The following TBCC variants were observed in gnomAD, a reference collection of about 807,000 sequenced individuals.
TBCC encodes tubulin-specific chaperone C.
Under a neutral mutation model 25.3 loss-of-function variants are expected in TBCC, and 25 were observed. That is an observed-to-expected ratio of 0.99 (90% CI 0.72 to 1.38). The LOEUF (loss-of-function observed/expected upper bound fraction) is 1.38, where lower values mean the gene tolerates loss of function less well. Ranked by LOEUF, TBCC falls within the 40% of genes most tolerant of loss-of-function variation. The pLI is 0.00. For synonymous variants in TBCC, 226 were observed against 192.8 expected (o/e 1.17, Z -1.43); for missense variants, 507 against 447.2 (o/e 1.13, Z -1.21).
In TBCC at chr6:42,744,780, T is replaced by A. The variant is rs1021544404; in HGVS notation, c.*253A>T. ...TTCGCGTGGTGGCGCGCGCCTGTAA[T>A]CCCAGCGCGCCACCACGCTGGGGGA... On this transcript the variant is annotated 3_prime_UTR_variant, in exon 1 of 1. Transcript: ENST00000372876. 1 of 338,784 alleles carries A rather than the reference T, an allele frequency of 3.0e-6. No individual in the cohort carries two copies. The highest frequency in any genetic ancestry group is 5.2e-6 in the Non-Finnish European group (1 of 190,824). 21.0% of individuals were successfully genotyped at this position (338,784 alleles called of 1,614,324 possible).
At position 42,745,134 on chromosome 6, in the gene TBCC, T is replaced by C; in HGVS notation, c.940A>G (p.Asn314Asp). Reference sequence around the variant, plus strand: ...TTAAAATCGTCAACATCGTTCCAGTTATTTTTGCTCCTATCTAAACCAGAG... The same window carrying C: ...TTAAAATCGTCAACATCGTTCCAGTCATTTTTGCTCCTATCTAAACCAGAG... ...ESSGLDRSKN[N>D]WNDVDDFNWL... is the part of the protein sequence containing the mutation. Residue 314 changes from asparagine (N) to aspartate (D), a missense_variant, in exon 1 of 1, where the codon AAC becomes GAC. Physicochemically the swap from Asn to Asp is conservative, Grantham distance 23. Transcript: ENST00000372876. The surrounding 1 kb of genome is among the most constrained non-coding windows in gnomAD (Gnocchi z 4.2). 6.2e-7 allele frequency: 1 copy of C among 1,614,206 alleles called. No homozygotes were observed. Among genetic ancestry groups the C allele is most frequent in the Non-Finnish European group, 8.5e-7 (1 of 1,180,032 alleles).
chr6:42,744,773 C>T lies in TBCC; in HGVS notation c.*260G>A. The T allele has an allele frequency of 3.0e-6, 1 of 329,682 alleles. No individual in the cohort carries two copies. The highest frequency in any genetic ancestry group is 5.5e-6 in the Non-Finnish European group (1 of 182,726). The allele number at this position is 329,682 out of a possible 1,614,324, so 20.4% of individuals were successfully genotyped here. A position where few individuals can be genotyped will look rare whatever the true frequency, so the allele number is the denominator to read the frequency against. On this transcript the variant is annotated 3_prime_UTR_variant, in exon 1 of 1. Transcript: ENST00000372876. ...ATACAAGTTCGCGTGGTGGCGCGCGCCTGTAATCCCAGCGCGCCACCACGC... is the reference window on the plus strand; with the variant it reads ...ATACAAGTTCGCGTGGTGGCGCGCGTCTGTAATCCCAGCGCGCCACCACGC...
Position 42,746,024 on chromosome 6 carries a change from T to A in TBCC, c.50A>T (p.Glu17Val), listed in dbSNP as rs773464175. Residue 17 changes from glutamate to valine, a missense_variant, in exon 1 of 1, where the codon GAG becomes GTG. Glu to Val is a moderately radical substitution (Grantham distance 121). Transcript: ENST00000372876. The stretch of plus-strand genomic sequence containing the variant: ...CACCAGGCTCAGGTCCCGCTGGGAC[T>A]CCATGTCTCCGGTCCTGACAGCAGC... The part of the protein sequence containing the change: ...SAAAVRTGDM[E>V]SQRDLSLVPE... 3.7e-6 allele frequency: 6 copies of A among 1,614,164 alleles called. No individual in the cohort carries two copies. The South Asian group carries it at 6.6e-5, about 18-fold the overall frequency.
rs116223301 is a variant in TBCC at position 42,744,899 on chromosome 6, G to A, written c.*134C>T. ...AATTTAATGGAAATTACAAGTAGGA[G>A]CCCATTACAATCTCTAGCCTTAAAA... is the stretch of plus-strand genomic sequence containing the variant. On this transcript the variant is annotated 3_prime_UTR_variant, in exon 1 of 1. Coordinates refer to ENST00000372876, the MANE Select transcript of TBCC (RefSeq NM_003192.3). 1,127 of 801,918 alleles carry A rather than the reference G, an allele frequency of 1.4e-3. 10 individuals carry two copies. Among genetic ancestry groups the A allele is most frequent in the African/African-American group, 0.013 (765 of 57,378 alleles). The allele number at this position is 801,918 out of a possible 1,614,324, so 49.7% of individuals were successfully genotyped here.
rs575293945 is a variant in TBCC at position 42,746,099 on chromosome 6, G to C, written c.-26C>G. The C allele has an allele frequency of 1.9e-6, 3 of 1,590,780 alleles. No individual in the cohort carries two copies. The South Asian group carries it at 3.4e-5, about 18-fold the overall frequency. ...ATTGGCTTCAAGCTTCCTCTCTCTTGTCTTCCTTCCTCCGGGCGCGCTGTC... is the reference window on the plus strand; with the variant it reads ...ATTGGCTTCAAGCTTCCTCTCTCTTCTCTTCCTTCCTCCGGGCGCGCTGTC... On this transcript the variant is annotated 5_prime_UTR_variant, in exon 1 of 1. Coordinates refer to ENST00000372876, the MANE Select transcript of TBCC (RefSeq NM_003192.3).
rs1397327211 is a variant in TBCC, at chr6:42,746,013, C to A, written c.61G>T (p.Asp21Tyr). 2 of 1,614,212 alleles carry A rather than the reference C, an allele frequency of 1.2e-6. No homozygotes were observed. Among genetic ancestry groups the A allele is most frequent in the Admixed American group, 3.3e-5 (2 of 60,024 alleles). The change falls in exon 1 of 1, where the codon GAC becomes TAC. Residue 21 changes from aspartate (D) to tyrosine (Y), a missense_variant. By Grantham distance (160) the Asp-to-Tyr change is radical. Coordinates refer to ENST00000372876, the MANE Select transcript of TBCC (RefSeq NM_003192.3). ...AGCCGCTCAGGCACCAGGCTCAGGTCCCGCTGGGACTCCATGTCTCCGGTC... is the reference window on the plus strand; with the variant it reads ...AGCCGCTCAGGCACCAGGCTCAGGTACCGCTGGGACTCCATGTCTCCGGTC... The part of the protein sequence containing the change: ...VRTGDMESQR[D>Y]LSLVPERLQR...
Position 42,744,989 on chromosome 6 carries a change from C to A in TBCC, c.*44G>T. On this transcript the variant is annotated 3_prime_UTR_variant, in exon 1 of 1. Transcript: ENST00000372876. ...AGACCCAATAAGGGGGAAAGTCCAA[C>A]GTGGAAAGTATTTGGTAGGAGTGAA... 1 of 1,569,180 alleles carries A rather than the reference C, an allele frequency of 6.4e-7. No homozygotes were observed.
At position 42,745,689 on chromosome 6, in the gene TBCC, G is replaced by A. The variant is rs1762254606; in HGVS notation, c.385C>T (p.Arg129Trp). ...AAACGCTTCTTGGGCTGCAGCCCCC[G>A]GCGCCGCTCGGCCAAGGCCGCCTGC... is the stretch of plus-strand genomic sequence containing the variant. ...RLQAALAERR[R>W]GLQPKKRFAF... Residue 129 changes from arginine (R) to tryptophan (W), a missense_variant, in exon 1 of 1, where the codon CGG becomes TGG. Transcript: ENST00000372876. The surrounding 1 kb of genome is among the most constrained non-coding windows in gnomAD (Gnocchi z 4.2). 6.2e-7 allele frequency: 1 copy of A among 1,611,898 alleles called. No homozygotes were observed. Among genetic ancestry groups the A allele is most frequent in the South Asian group, 1.1e-5 (1 of 90,994 alleles).
At position 42,744,775 on chromosome 6, in the gene TBCC, TGTAATCCCA is replaced by T; in HGVS notation, c.*249_*257del. 2 of 330,798 alleles carry T rather than the reference TGTAATCCCA, an allele frequency of 6.0e-6. No homozygotes were observed. The highest frequency in any genetic ancestry group is 9.9e-5 in the East Asian group (2 of 20,196). 20.5% of individuals were successfully genotyped at this position (330,798 alleles called of 1,614,324 possible). ...ACAAGTTCGCGTGGTGGCGCGCGCC[TGTAATCCCA>T]GCGCGCCACCACGCTGGGGGACGGA... On this transcript the variant is annotated 3_prime_UTR_variant, in exon 1 of 1. Coordinates refer to ENST00000372876, the MANE Select transcript of TBCC (RefSeq NM_003192.3).
rs1233409513 is a variant in TBCC at position 42,745,483 on chromosome 6, T to C, written c.591A>G (p.Arg197=). The part of the protein sequence containing the change: ...SNLESQVLEK[R]ASELHQRDVL... ...CGTCGCGCTGGTGCAACTCGCTGGC[T>C]CTCTTCTCCAAGACTTGGGACTCCA... The change falls in exon 1 of 1, where the codon AGA becomes AGG. Residue 197 remains arginine, a synonymous_variant. Coordinates refer to ENST00000372876, the MANE Select transcript of TBCC (RefSeq NM_003192.3). This position sits in a 1 kb window ranked among gnomAD's most constrained non-coding sequence, Gnocchi z 4.2. 1 of 1,612,782 alleles carries C rather than the reference T, an allele frequency of 6.2e-7. No homozygotes were observed. The highest frequency in any genetic ancestry group is 1.7e-5 in the Admixed American group (1 of 59,664).
chr6:42,745,514 G>C lies in TBCC; in HGVS notation c.560C>G (p.Ser187Cys), dbSNP rs1377899947. 2 of 1,611,194 alleles carry C rather than the reference G, an allele frequency of 1.2e-6. No homozygotes were observed. Among genetic ancestry groups the C allele is most frequent in the Non-Finnish European group, 1.7e-6 (2 of 1,178,792 alleles). Reference protein sequence around the residue: ...DLGPSWVCGFSNLESQVLEKR... With the variant: ...DLGPSWVCGFCNLESQVLEKR... ...CTCCAAGACTTGGGACTCCAGGTTG[G>C]AGAAACCGCAGACCCAGCTGGGGCC... The change falls in exon 1 of 1, where the codon TCC (serine) becomes TGC (cysteine). Residue 187 changes from serine (S) to cysteine (C), a missense_variant. Coordinates refer to ENST00000372876, the MANE Select transcript of TBCC (RefSeq NM_003192.3). This position sits in a 1 kb window ranked among gnomAD's most constrained non-coding sequence, Gnocchi z 4.2.
rs1281730322 is a variant in TBCC, at chr6:42,745,281, T to A, written c.793A>T (p.Ser265Cys). 25 of 1,614,064 alleles carry A rather than the reference T, an allele frequency of 1.5e-5. No homozygotes were observed. Among genetic ancestry groups the A allele is most frequent in the Non-Finnish European group, 2.0e-5 (24 of 1,180,030 alleles). Residue 265 changes from serine (S) to cysteine (C), a missense_variant, in exon 1 of 1, where the codon AGT becomes TGT. Coordinates refer to ENST00000372876, the MANE Select transcript of TBCC (RefSeq NM_003192.3). This position sits in a 1 kb window ranked among gnomAD's most constrained non-coding sequence, Gnocchi z 4.2. ...AVACQQLRIH[S>C]TKDTRIFLQV... Reference sequence around the variant, plus strand: ...AGGAAGATGCGGGTGTCTTTCGTACTGTGTATGCGGAGCTGTTGGCAGGCC... The same window carrying A: ...AGGAAGATGCGGGTGTCTTTCGTACAGTGTATGCGGAGCTGTTGGCAGGCC...
Position 42,745,318 on chromosome 6 carries a change from G to C in TBCC, c.756C>G (p.Cys252Trp). Reference protein sequence around the residue: ...TSVFLEDCSDCVLAVACQQLR... With the variant: ...TSVFLEDCSDWVLAVACQQLR... ...GCTGTTGGCAGGCCACTGCCAGCAC[G>C]CAGTCACTGCAGTCCTCCAGGAAAA... The change falls in exon 1 of 1, where the codon TGC (cysteine) becomes TGG (tryptophan). Residue 252 changes from cysteine to tryptophan, a missense_variant. Transcript: ENST00000372876. The surrounding 1 kb of genome is among the most constrained non-coding windows in gnomAD (Gnocchi z 4.2). 1 of 1,614,232 alleles carries C rather than the reference G, an allele frequency of 6.2e-7. No homozygotes were observed. Among genetic ancestry groups the C allele is most frequent in the South Asian group, 1.1e-5 (1 of 91,082 alleles).
chr6:42,745,746 G>T lies in TBCC; in HGVS notation c.328C>A (p.Leu110Met). The T allele has an allele frequency of 6.2e-7, 1 of 1,613,958 alleles. No individual in the cohort carries two copies. Among genetic ancestry groups the T allele is most frequent in the African/African-American group, 1.3e-5 (1 of 75,070 alleles). The change falls in exon 1 of 1, where the codon CTG (leucine) becomes ATG (methionine). Residue 110 changes from leucine to methionine, a missense_variant. Transcript: ENST00000372876. The surrounding 1 kb of genome is among the most constrained non-coding windows in gnomAD (Gnocchi z 4.2). ...DSVFFLAAYDLRQGQEALARL... is the reference protein window; with the variant it reads ...DSVFFLAAYDMRQGQEALARL... ...GCCAGCGCCTCTTGTCCCTGCCGCA[G>T]GTCGTAAGCGGCTAGGAAAAAAACT...
At position 42,745,275 on chromosome 6, in the gene TBCC, T is replaced by G. The variant is rs1412725581; in HGVS notation, c.799A>C (p.Lys267Gln). 12 of 1,614,046 alleles carry G rather than the reference T, an allele frequency of 7.4e-6. No individual in the cohort carries two copies. The East Asian group carries it at 2.7e-4, about 36-fold the overall frequency. The change falls in exon 1 of 1, where the codon AAA (lysine) becomes CAA (glutamine). Residue 267 changes from lysine (K) to glutamine (Q), a missense_variant. Coordinates refer to ENST00000372876, the MANE Select transcript of TBCC (RefSeq NM_003192.3). The surrounding 1 kb of genome is among the most constrained non-coding windows in gnomAD (Gnocchi z 4.2). The stretch of plus-strand genomic sequence containing the variant: ...ACCTGCAGGAAGATGCGGGTGTCTT[T>G]CGTACTGTGTATGCGGAGCTGTTGG... ...ACQQLRIHST[K>Q]DTRIFLQVTS...
rs753333884 is a variant in TBCC at position 42,746,053 on chromosome 6, G to A, written c.21C>T (p.Ser7=). The A allele has an allele frequency of 6.8e-6, 11 of 1,613,368 alleles. No individual in the cohort carries two copies. The highest frequency in any genetic ancestry group is 5.0e-5 in the Admixed American group (3 of 59,958). The change falls in exon 1 of 1, where the codon TCC becomes TCT. Residue 7 remains serine (S), a synonymous_variant. Transcript: ENST00000372876. The part of the protein sequence containing the change: MESVSC[S]AAAVRTGDME... ...TGTCTCCGGTCCTGACAGCAGCAGCGGAGCAACTGACGGACTCCATATTGG... is the reference window on the plus strand; with the variant it reads ...TGTCTCCGGTCCTGACAGCAGCAGCAGAGCAACTGACGGACTCCATATTGG...
Position 42,745,500 on chromosome 6 carries a change from G to A in TBCC, c.574C>T (p.Gln192Ter). 1 of 1,611,684 alleles carries A rather than the reference G, an allele frequency of 6.2e-7. No homozygotes were observed. Among genetic ancestry groups the A allele is most frequent in the Non-Finnish European group, 8.5e-7 (1 of 1,179,024 alleles). The change falls in exon 1 of 1, where the codon CAA becomes TAA. Residue 192 changes from glutamine to a stop codon, truncating the protein, a stop_gained. Transcript: ENST00000372876. LOFTEE classifies it high-confidence loss of function. The surrounding 1 kb of genome is among the most constrained non-coding windows in gnomAD (Gnocchi z 4.2). ...TCGCTGGCTCTCTTCTCCAAGACTT[G>A]GGACTCCAGGTTGGAGAAACCGCAG... is the stretch of plus-strand genomic sequence containing the variant. ...WVCGFSNLES[Q>*]VLEKRASELH... is the part of the protein sequence containing the mutation.
At position 42,744,804 on chromosome 6, in the gene TBCC, G is replaced by A. The variant is rs960328148; in HGVS notation, c.*229C>T. The A allele has an allele frequency of 1.4e-5, 6 of 435,722 alleles. No individual in the cohort carries two copies. The highest frequency in any genetic ancestry group is 7.9e-5 in the African/African-American group (4 of 50,322). 27.0% of individuals were successfully genotyped at this position (435,722 alleles called of 1,614,324 possible). On this transcript the variant is annotated 3_prime_UTR_variant, in exon 1 of 1. Transcript: ENST00000372876. ...ATCCCAGCGCGCCACCACGCTGGGG[G>A]ACGGAGTAAGACTCAGTCTCAAAGG...
rs1762249707 is a variant in TBCC, at chr6:42,745,584, T to C, written c.490A>G (p.Ser164Gly). The part of the protein sequence containing the change: ...AAPGIPPAVE[S>G]IQDSPLPKKA... Reference sequence around the variant, plus strand: ...TTGGGCAGCGGGGAGTCCTGTATGCTTTCAACTGCCGGGGGGATGCCAGGA... The same window carrying C: ...TTGGGCAGCGGGGAGTCCTGTATGCCTTCAACTGCCGGGGGGATGCCAGGA... The change falls in exon 1 of 1, where the codon AGC becomes GGC. Residue 164 changes from serine to glycine, a missense_variant. Coordinates refer to ENST00000372876, the MANE Select transcript of TBCC (RefSeq NM_003192.3). This position sits in a 1 kb window ranked among gnomAD's most constrained non-coding sequence, Gnocchi z 4.2. The C allele has an allele frequency of 6.2e-7, 1 of 1,611,952 alleles. No individual in the cohort carries two copies. Among genetic ancestry groups the C allele is most frequent in the African/African-American group, 1.3e-5 (1 of 74,908 alleles).
Sources: allele counts gnomAD v4.1 joint callset, GRCh38; gene constraint gnomAD v4.1.1; non-coding constraint Gnocchi (gnomAD v3.1); transcripts MANE v1.5; gene names NCBI Gene and HGNC (gene_info 2026-07-23, HGNC 2026-07-21).